The following THUMPD3 variants were observed in gnomAD, a reference collection of about 807,000 sequenced individuals.
THUMPD3 encodes tRNA (guanine(6)-N(2))-methyltransferase THUMP3.
In THUMPD3, 44 loss-of-function variants were observed where a neutral mutation model predicts 54.5. The observed-to-expected ratio is 0.81, with a 90% CI of 0.63 to 1.04. The LOEUF (loss-of-function observed/expected upper bound fraction) is 1.04, where lower values mean the gene tolerates loss of function less well. Ranked by LOEUF, THUMPD3 falls within the 50% of genes least tolerant of loss-of-function variation. THUMPD3 has a pLI of 0.00. For missense variants in THUMPD3, 604 were observed against 601.3 expected (o/e 1.00, Z -0.05); for synonymous variants, 196 against 201.4 (o/e 0.97, Z 0.23).
chr3:9,363,402 C>T (rs1399574275), intron 1 of THUMPD3: 6 of 152,216 alleles, frequency 3.9e-5, no homozygotes, highest in Admixed American at 3.9e-4. Flanking sequence ...CTTTAGCTGA[C>T]CTCAGCTGCA....
Position 9,374,861 on chromosome 3 carries a change from C to A in THUMPD3, c.938+215C>A, listed in dbSNP as rs184857063. ...ACTGCTTAATAGGTGGCTCAGTTTT[C>A]TTTATTTCTTTTTTTGAGACAAAGT... On this transcript the variant is annotated intron_variant, in intron 5 of 9. Transcript: ENST00000452837. Among the ~76,000 whole-genome samples, 7 of 152,078 alleles carry A rather than the reference C, an allele frequency of 4.6e-5. No individual in the cohort carries two copies. In the East Asian group the frequency reaches 1.4e-3, roughly 29 times the overall value.
At chr3:9,375,752 C>G (rs73113974) in intron 5 of THUMPD3, among the ~76,000 whole-genome samples, 2 of 152,168 alleles carry the variant, frequency 1.3e-5, no homozygotes, top group African/African-American at 2.4e-5. Flanking sequence ...CTACTACACA[C>G]CTGGGCTATG....
chr3:9,374,592 T>G lies in THUMPD3; in HGVS notation c.884T>G (p.Ile295Arg). 6.2e-7 allele frequency: 1 copy of G among 1,614,174 alleles called. No homozygotes were observed. Among genetic ancestry groups the G allele is most frequent in the Non-Finnish European group, 8.5e-7 (1 of 1,180,012 alleles). Reference protein sequence around the residue: ...LTEESLHRRNITHFGPTTLRS... With the variant: ...LTEESLHRRNRTHFGPTTLRS... ...GAAGAGAGTCTCCACCGAAGAAATA[T>G]AACACATTTTGGACCTACAACTCTT... The change falls in exon 5 of 10, where the codon ATA becomes AGA. Residue 295 changes from isoleucine to arginine, a missense_variant. Ile to Arg is a moderately conservative substitution (Grantham distance 97). Transcript: ENST00000452837.
intron 7 of THUMPD3, chr3:9,382,947 T>C: frequency 2.9e-6 from 1 of 341,750 alleles, no homozygotes; most frequent in Non-Finnish European, 5.5e-6. Context: ...TCAGCTGGTC[T>C]CAAATTCCTG....
rs2033056787 is a variant in THUMPD3 at position 9,383,217 on chromosome 3, GC to G, written c.1146del (p.Ile383Ter). ...IKEGKPSWGL[P>X]IDAVQWDICN... Reference sequence around the variant, plus strand: ...CCCACAGCAAACCCTCCTGGGGCTTGCCCATAGATGCTGTTCAGTGGGATAT... The same window carrying G: ...CCCACAGCAAACCCTCCTGGGGCTTGCCATAGATGCTGTTCAGTGGGATAT... On this transcript the variant is annotated frameshift_variant, in exon 8 of 10. Coordinates refer to ENST00000452837, the MANE Select transcript of THUMPD3 (RefSeq NM_001114092.2). LOFTEE classifies it high-confidence loss of function. 3.1e-6 allele frequency: 5 copies of G among 1,613,772 alleles called. No homozygotes were observed. Among genetic ancestry groups the G allele is most frequent in the Non-Finnish European group, 4.2e-6 (5 of 1,179,772 alleles).
chr3:9,369,086 T>C (rs978612982), intron 3 of THUMPD3, among the ~76,000 whole-genome samples: 11 of 151,564 alleles, frequency 7.3e-5, no homozygotes, highest in African/African-American at 2.7e-4. Flanking sequence ...CCAAAGCAGG[T>C]GAATCATGAG....
chr3:9,369,613 G>C (rs2031869822), intron 3 of THUMPD3, among the ~76,000 whole-genome samples: 1 of 152,164 alleles, frequency 6.6e-6, no homozygotes, highest in Non-Finnish European at 1.5e-5. Context: ...GATCCTGGCA[G>C]TATCATTGCT....
At position 9,383,223 on chromosome 3, in the gene THUMPD3, A is replaced by G; in HGVS notation, c.1149A>G (p.Ile383Met). 6.2e-7 allele frequency: 1 copy of G among 1,613,986 alleles called. No homozygotes were observed. Among genetic ancestry groups the G allele is most frequent in the Non-Finnish European group, 8.5e-7 (1 of 1,179,852 alleles). The change falls in exon 8 of 10, where the codon ATA becomes ATG. Residue 383 changes from isoleucine (I) to methionine (M), a missense_variant. By Grantham distance (10) the Ile-to-Met change is conservative (BLOSUM62 1). Transcript: ENST00000452837. ...GCAAACCCTCCTGGGGCTTGCCCAT[A>G]GATGCTGTTCAGTGGGATATCTGCA... is the stretch of plus-strand genomic sequence containing the variant. ...KEGKPSWGLP[I>M]DAVQWDICNL...
At position 9,366,892 on chromosome 3, in the gene THUMPD3, T is replaced by C; in HGVS notation, c.253-16T>C. ...AAAAGCTTTCTCAGAAATGTGTTTC[T>C]TTTTTTTTCACCCAGGTTCATTGTC... On this transcript the variant is annotated splice_polypyrimidine_tract_variant and intron_variant, in intron 2 of 9. Coordinates refer to ENST00000452837, the MANE Select transcript of THUMPD3 (RefSeq NM_001114092.2). 1 of 1,547,982 alleles carries C rather than the reference T, an allele frequency of 6.5e-7. No individual in the cohort carries two copies. The highest frequency in any genetic ancestry group is 8.8e-7 in the Non-Finnish European group (1 of 1,139,008).
chr3:9,365,440 AT>A, intron 2 of THUMPD3, 120 bp downstream of exon 2: 1 of 1,267,712 alleles, frequency 7.9e-7, no homozygotes, highest in Non-Finnish European at 1.1e-6. Context: ...AAATCAGGTG[AT>A]TTTAAAGTTA....
At position 9,386,099 on chromosome 3, in the gene THUMPD3, G is replaced by A. The variant is rs1294243887; in HGVS notation, c.*1411G>A. 5 of 152,190 alleles carry A rather than the reference G, an allele frequency of 3.3e-5. No individual in the cohort carries two copies. The highest frequency in any genetic ancestry group is 7.3e-5 in the Non-Finnish European group (5 of 68,044). The allele number at this position is 152,190 out of a possible 1,614,324, so 9.4% of individuals were successfully genotyped here. A position where few individuals can be genotyped will look rare whatever the true frequency, so the allele number is the denominator to read the frequency against. On this transcript the variant is annotated 3_prime_UTR_variant, in exon 10 of 10. Coordinates refer to ENST00000452837, the MANE Select transcript of THUMPD3 (RefSeq NM_001114092.2). ...ATAAAAGGACACAATACTTTTGAAA[G>A]AAGAGTTCACATTAGCAGCACAGCC... is the stretch of plus-strand genomic sequence containing the variant.
At position 9,371,288 on chromosome 3, in the gene THUMPD3, T is replaced by C; in HGVS notation, c.559T>C (p.Tyr187His). 6.2e-7 allele frequency: 1 copy of C among 1,613,978 alleles called. No homozygotes were observed. The highest frequency in any genetic ancestry group is 8.5e-7 in the Non-Finnish European group (1 of 1,179,942). Residue 187 changes from tyrosine (Y) to histidine (H), a missense_variant, in exon 4 of 10, where the codon TAT (tyrosine) becomes CAT (histidine). Transcript: ENST00000452837. ...TGCTTTAGATTCTCATATCTTAGATTATTATGAAAATCCAGCCATCAAAGA... is the reference window on the plus strand; with the variant it reads ...TGCTTTAGATTCTCATATCTTAGATCATTATGAAAATCCAGCCATCAAAGA... ...SHALDSHILDYYENPAIKEDV... is the reference protein window; with the variant it reads ...SHALDSHILDHYENPAIKEDV...
intron 4 of THUMPD3, among the ~76,000 whole-genome samples, chr3:9,373,909 A>G (rs1176239343): frequency 6.6e-6 from 1 of 152,202 alleles, no homozygotes; most frequent in Non-Finnish European, 1.5e-5. Context: ...GACTTTACCA[A>G]TTTTTAAAAC....
At position 9,386,604 on chromosome 3, in the gene THUMPD3, G is replaced by GTGTT. The variant is rs2033349573; in HGVS notation, c.*1918_*1921dup. On this transcript the variant is annotated 3_prime_UTR_variant, in exon 10 of 10. Coordinates refer to ENST00000452837, the MANE Select transcript of THUMPD3 (RefSeq NM_001114092.2). ...GTTTGCCGTCTTCTTCCCTAGTATG[G>GTGTT]TGTTTTTCAATCTGGTGACTAGAAT... is the stretch of plus-strand genomic sequence containing the variant. 6.6e-6 allele frequency: 1 copy of GTGTT among 152,078 alleles called. No individual in the cohort carries two copies. Among genetic ancestry groups the GTGTT allele is most frequent in the African/African-American group, 2.4e-5 (1 of 41,396 alleles). 9.4% of individuals were successfully genotyped at this position (152,078 alleles called of 1,614,324 possible).
intron 3 of THUMPD3, among the ~76,000 whole-genome samples, chr3:9,368,874 G>A (rs7646506): frequency 3.3e-5 from 5 of 152,174 alleles, no homozygotes; most frequent in South Asian, 2.1e-4. Flanking sequence ...GATATTTTAC[G>A]AATAAATGTA....
In THUMPD3 at chr3:9,384,260, G is replaced by A. The variant is rs1046788; in HGVS notation, c.1284G>A (p.Arg428=). ...RNWNLYPACL[R]EMSRVCTPTT... is the part of the protein sequence containing the mutation. ...GGAACCTTTATCCAGCTTGCCTACG[G>A]GAGATGAGCCGTGTCTGCACACCTA... The change falls in exon 9 of 10, where the codon CGG becomes CGA. Residue 428 remains arginine, a synonymous_variant. Coordinates refer to ENST00000452837, the MANE Select transcript of THUMPD3 (RefSeq NM_001114092.2). 6.2e-7 allele frequency: 1 copy of A among 1,614,028 alleles called. No homozygotes were observed. Among genetic ancestry groups the A allele is most frequent in the Non-Finnish European group, 8.5e-7 (1 of 1,180,002 alleles).
rs765451527 is a variant in THUMPD3, at chr3:9,384,620, C to T, written c.1456C>T (p.Pro486Ser). The change falls in exon 10 of 10, where the codon CCT becomes TCT. Residue 486 changes from proline (P) to serine (S), a missense_variant. Physicochemically the swap from Pro to Ser is moderately conservative, Grantham distance 74. Coordinates refer to ENST00000452837, the MANE Select transcript of THUMPD3 (RefSeq NM_001114092.2). The part of the protein sequence containing the change: ...RAAVYVLIRT[P>S]QAFVHPSEQD... ...TGCAGTTTACGTTCTGATACGTACA[C>T]CTCAAGCTTTTGTTCATCCTTCAGA... 2 of 1,614,156 alleles carry T rather than the reference C, an allele frequency of 1.2e-6. No individual in the cohort carries two copies. Among genetic ancestry groups the T allele is most frequent in the Admixed American group, 1.7e-5 (1 of 60,016 alleles).
rs745971900 is a variant in THUMPD3 at position 9,365,156 on chromosome 3, C to T, written c.88C>T (p.Leu30Phe). ...GTCTGTACAAGTGACAGAAAGTGAC[C>T]TCGGAAGTGAATCTGAGCTTCTAGT... ...QKSVQVTESDLGSESELLVTI... is the reference protein window; with the variant it reads ...QKSVQVTESDFGSESELLVTI... Residue 30 changes from leucine (L) to phenylalanine (F), a missense_variant, in exon 2 of 10, where the codon CTC (leucine) becomes TTC (phenylalanine). Leu to Phe is a conservative substitution (Grantham distance 22). Coordinates refer to ENST00000452837, the MANE Select transcript of THUMPD3 (RefSeq NM_001114092.2). The T allele has an allele frequency of 8.1e-6, 13 of 1,613,978 alleles. No individual in the cohort carries two copies. In the African/African-American group the frequency reaches 1.7e-4, roughly 22 times the overall value.
chr3:9,381,324 A>G (rs1268146327), intron 7 of THUMPD3, among the ~76,000 whole-genome samples: 1 of 152,200 alleles, frequency 6.6e-6, no homozygotes, highest in Non-Finnish European at 1.5e-5. Flanking sequence ...GTCATTGGTT[A>G]TATATTTCAT....
Sources: allele counts gnomAD v4.1 joint callset (sites outside exome capture counted in the v4.1 genomes callset), GRCh38; gene constraint gnomAD v4.1.1; transcripts MANE v1.5; gene names NCBI Gene and HGNC (gene_info 2026-07-23, HGNC 2026-07-21).